Variants in AGBL1 observed in about 807,000 individuals in gnomAD.
The protein encoded by AGBL1 is cytosolic carboxypeptidase 4.
In AGBL1, 130 loss-of-function variants were observed where a neutral mutation model predicts 118.9. The ratio of observed to expected loss-of-function variants is 1.09; its 90% confidence interval spans 0.95 to 1.26. AGBL1 has a LOEUF of 1.26. AGBL1 is among the 50% of genes most tolerant of loss of function. The pLI is 0.00. For missense variants in AGBL1, 1,584 were observed against 1,298.1 expected (o/e 1.22, Z -3.38); for synonymous variants, 555 against 478.9 (o/e 1.16, Z -2.08).
intron 22 of AGBL1, among the ~76,000 whole-genome samples, chr15:86,724,227 C>G (rs1363662388): frequency 1.0e-5 from 1 of 95,490 alleles, no homozygotes; most frequent in Non-Finnish European, 2.0e-5. Context: ...CAGAGTGAGA[C>G]TCCATCTCAA....
In AGBL1 at chr15:86,257,097, T is replaced by C. The variant is rs1377278538; in HGVS notation, c.901+79T>C. Reference sequence around the variant, plus strand: ...TGTTTCCCAGGAACATGGGTGAAAATAGAATTCGTTATTTTATAGGTCAAC... The same window carrying C: ...TGTTTCCCAGGAACATGGGTGAAAACAGAATTCGTTATTTTATAGGTCAAC... On this transcript the variant is annotated intron_variant, in intron 8 of 22. Coordinates refer to ENST00000614907, the MANE Select transcript of AGBL1 (RefSeq NM_001386094.1). 6.4e-6 allele frequency: 9 copies of C among 1,406,478 alleles called. No homozygotes were observed. In the South Asian group the frequency reaches 7.0e-5, roughly 11 times the overall value. 87.1% of individuals were successfully genotyped at this position (1,406,478 alleles called of 1,614,324 possible).
At chr15:86,839,045 A>G (rs2079208794) in intron 22 of AGBL1, among the ~76,000 whole-genome samples, 1 of 151,628 alleles carries the variant, frequency 6.6e-6, no homozygotes, top group Non-Finnish European at 1.5e-5. Flanking sequence ...AGGAGAACCT[A>G]CACATATGAG....
chr15:86,795,947 T>C (rs575423002), intron 22 of AGBL1, among the ~76,000 whole-genome samples: 1 of 151,884 alleles, frequency 6.6e-6, no homozygotes, highest in African/African-American at 2.4e-5. Flanking sequence ...ATTGCCTTCC[T>C]GGAGACATGG....
intron 18 of AGBL1, among the ~76,000 whole-genome samples, chr15:86,469,075 T>C (rs187914342): frequency 0.014 from 1,969 of 141,224 alleles, 20 homozygotes; most frequent in Non-Finnish European, 0.02. Context: ...ACAAAGTTTG[T>C]TTTTTTTGTG....
At chr15:86,170,275 T>G (rs1370404137) in intron 5 of AGBL1, among the ~76,000 whole-genome samples, 4 of 152,042 alleles carry the variant, frequency 2.6e-5, no homozygotes, top group African/African-American at 7.2e-5. Context: ...AAGAGAAGAT[T>G]AGTTTGAAAA....
intron 22 of AGBL1, among the ~76,000 whole-genome samples, chr15:86,706,801 C>T (rs566769070): frequency 6.6e-6 from 1 of 151,944 alleles, no homozygotes; most frequent in South Asian, 2.1e-4. Context: ...TTTAACTAGC[C>T]CCAAATTTAA....
chr15:86,082,140 A>G (rs1466825809), intron 1 of AGBL1, among the ~76,000 whole-genome samples: 2 of 152,240 alleles, frequency 1.3e-5, no homozygotes. Flanking sequence ...TCTCTACGGT[A>G]GAAGTCAGAA....
intron 22 of AGBL1, among the ~76,000 whole-genome samples, chr15:86,810,842 T>C (rs1338901164): frequency 6.6e-6 from 1 of 152,106 alleles, no homozygotes; most frequent in East Asian, 1.9e-4. Flanking sequence ...GTGGTACTGG[T>C]GAGAACAAAA....
intron 18 of AGBL1, among the ~76,000 whole-genome samples, chr15:86,434,606 G>A (rs531672829): frequency 2.3e-4 from 35 of 152,260 alleles, no homozygotes; most frequent in African/African-American, 8.4e-4. Context: ...ACATTTAAGC[G>A]CTAAGAATAA....
chr15:86,447,173 G>T (rs942993849), intron 18 of AGBL1, among the ~76,000 whole-genome samples: 1 of 152,154 alleles, frequency 6.6e-6, no homozygotes, highest in Admixed American at 6.5e-5. Flanking sequence ...ATTTCCTTCT[G>T]TGTATTTAAT....
intron 6 of AGBL1, among the ~76,000 whole-genome samples, chr15:86,231,531 C>T (rs8033013): frequency 0.39 from 59,596 of 152,134 alleles, 13,132 homozygotes; most frequent in African/African-American, 0.6. Context: ...ATTGAGTGTG[C>T]AGGAATGCAG....
chr15:86,737,830 T>A (rs1350352111), intron 22 of AGBL1, among the ~76,000 whole-genome samples: 2 of 152,232 alleles, frequency 1.3e-5, no homozygotes, highest in Middle Eastern at 3.2e-3. Context: ...TGCAGTATTT[T>A]AAAATGTAAA....
chr15:86,247,751 A>C lies in AGBL1; in HGVS notation c.607A>C (p.Thr203Pro), dbSNP rs1329062309. Residue 203 changes from threonine (T) to proline (P), a missense_variant, in exon 7 of 23, where the codon ACA becomes CCA. Transcript: ENST00000614907. Reference protein sequence around the residue: ...GLHQDWHSHDTANAYVQIRRG... With the variant: ...GLHQDWHSHDPANAYVQIRRG... ...GCACCAGGACTGGCACAGCCATGAC[A>C]CAGCCAACGCCTACGTGCAGATCCG... The C allele has an allele frequency of 3.1e-6, 5 of 1,613,778 alleles. No homozygotes were observed. Among genetic ancestry groups the C allele is most frequent in the Non-Finnish European group, 4.2e-6 (5 of 1,179,866 alleles).
intron 1 of AGBL1, chr15:86,105,135 T>C (rs983339429): frequency 6.6e-6 from 1 of 152,226 alleles, no homozygotes; most frequent in African/African-American, 2.4e-5. Flanking sequence ...CTTGCTATTT[T>C]GGTTCTTCTT....
intron 18 of AGBL1, among the ~76,000 whole-genome samples, chr15:86,412,570 C>T (rs1470961850): frequency 2.6e-5 from 4 of 152,166 alleles, no homozygotes; most frequent in African/African-American, 9.6e-5. Flanking sequence ...GGATGAGGTG[C>T]AGCATAGTGG....
At chr15:86,106,154 G>A (rs1897040710) in intron 1 of AGBL1, among the ~76,000 whole-genome samples, 1 of 152,164 alleles carries the variant, frequency 6.6e-6, no homozygotes, top group Non-Finnish European at 1.5e-5. Flanking sequence ...GTATGCTGTT[G>A]TATTTGTCAA....
At chr15:86,690,497 G>A (rs1390202972) in intron 22 of AGBL1, among the ~76,000 whole-genome samples, 1 of 152,092 alleles carries the variant, frequency 6.6e-6, no homozygotes, top group Admixed American at 6.6e-5. Context: ...TTTTAAACAG[G>A]CAAAAACGCT....
At chr15:86,712,782 A>G (rs533354027) in intron 22 of AGBL1, among the ~76,000 whole-genome samples, 2 of 152,256 alleles carry the variant, frequency 1.3e-5, no homozygotes, top group East Asian at 3.9e-4. Context: ...AAAGATGAGG[A>G]GTCTGTTTCC....
intron 24 of AGBL1, among the ~76,000 whole-genome samples, chr15:87,003,050 T>G (rs4550417): frequency 2.0e-5 from 3 of 152,118 alleles, no homozygotes; most frequent in African/African-American, 7.2e-5. Flanking sequence ...ATCCCTGTCT[T>G]GTGCCAGTTT....
Sources: gnomAD v4.1 joint callset for allele counts (sites outside exome capture counted in the v4.1 genomes callset) on GRCh38, gnomAD v4.1.1 for gene constraint, MANE v1.5 for transcripts, NCBI Gene and HGNC (gene_info 2026-07-23, HGNC 2026-07-21) for gene names.